STX17: variants seen among roughly 807,000 people sequenced by gnomAD.
STX17 encodes the protein syntaxin-17.
Under a neutral mutation model 35.9 loss-of-function variants are expected in STX17, and 29 were observed. That is an observed-to-expected ratio of 0.81 (90% CI 0.60 to 1.10). The LOEUF (loss-of-function observed/expected upper bound fraction) is 1.10, where lower values mean the gene tolerates loss of function less well. Ranked by LOEUF, STX17 falls within the 50% of genes least tolerant of loss-of-function variation. The pLI is 0.00. For missense variants in STX17, 312 were observed against 352.3 expected, an observed-to-expected ratio of 0.89 and a Z score of 0.92; for synonymous variants, 92 against 118.3, an observed-to-expected ratio of 0.78 and a Z score of 1.44.
chr9:99,915,279 G>T lies in STX17; in HGVS notation c.40G>T (p.Glu14Ter). ...DEEKVKLRRL[E>*]PAIQKFIKIV... is the part of the protein sequence containing the mutation. ...AGAAAAAGTGAAATTACGCCGTCTT[G>T]AACCAGCTATCCAGAAATTCATTAA... is the stretch of plus-strand genomic sequence containing the variant. Residue 14 changes from glutamate to a stop codon, truncating the protein, a stop_gained, in exon 2 of 8, where the codon GAA (glutamate) becomes TAA (stop). Coordinates refer to ENST00000259400, the MANE Select transcript of STX17 (RefSeq NM_017919.3). LOFTEE classifies it high-confidence loss of function. 6.2e-7 allele frequency: 1 copy of T among 1,612,882 alleles called. No homozygotes were observed. The highest frequency in any genetic ancestry group is 8.5e-7 in the Non-Finnish European group (1 of 1,179,472).
intron 4 of STX17, among the ~76,000 whole-genome samples, chr9:99,954,358 A>G (rs1413064761): frequency 6.6e-6 from 1 of 152,032 alleles, no homozygotes; most frequent in Non-Finnish European, 1.5e-5. Flanking sequence ...TAAAGCAATT[A>G]AAAAACTACT....
Position 99,971,288 on chromosome 9 carries a change from CT to C in STX17, c.*2630del, listed in dbSNP as rs5899399. ...TGGATAAAGGCAGCAATCCTAAGGACTTTTTTTTTTTTTTTAACATAATCTG... is the reference window on the plus strand; with the variant it reads ...TGGATAAAGGCAGCAATCCTAAGGACTTTTTTTTTTTTTTAACATAATCTG... On this transcript the variant is annotated 3_prime_UTR_variant, in exon 8 of 8. Transcript: ENST00000259400. 0.28 allele frequency among the ~76,000 whole-genome samples: 41,404 copies of C among 147,040 alleles called. 6,383 individuals carry two copies. Among genetic ancestry groups the C allele is most frequent in the Non-Finnish European group, 0.37 (24,639 of 66,642 alleles).
chr9:99,972,920 C>T lies in STX17; in HGVS notation c.*4247C>T, dbSNP rs1830042877. 6.6e-6 allele frequency among the ~76,000 whole-genome samples: 1 copy of T among 152,096 alleles called. No individual in the cohort carries two copies. Among genetic ancestry groups the T allele is most frequent in the Non-Finnish European group, 1.5e-5 (1 of 67,998 alleles). ...GTGGCTGTGGTTCACAGGTACTTAA[C>T]GAATGTTAGATGATGTTCTTAAGTA... On this transcript the variant is annotated 3_prime_UTR_variant, in exon 8 of 8. Coordinates refer to ENST00000259400, the MANE Select transcript of STX17 (RefSeq NM_017919.3).
Position 99,951,206 on chromosome 9 carries a change from T to A in STX17, c.336T>A (p.Ser112=), listed in dbSNP as rs747165322. Residue 112 remains serine, a synonymous_variant, in exon 4 of 8, where the codon TCT becomes TCA. Coordinates refer to ENST00000259400, the MANE Select transcript of STX17 (RefSeq NM_017919.3). ...AATTTCTCCAACTCCATTTGGAATCTGTAGAAGAACTTAAGAAGCAATTTA... is the reference window on the plus strand; with the variant it reads ...AATTTCTCCAACTCCATTTGGAATCAGTAGAAGAACTTAAGAAGCAATTTA... ...TAEFLQLHLE[S]VEELKKQFND... 4 of 1,613,042 alleles carry A rather than the reference T, an allele frequency of 2.5e-6. No homozygotes were observed. Among genetic ancestry groups the A allele is most frequent in the Non-Finnish European group, 3.4e-6 (4 of 1,179,282 alleles).
chr9:99,956,207 T>C (rs1829707879), intron 4 of STX17, among the ~76,000 whole-genome samples: 1 of 152,154 alleles, frequency 6.6e-6, no homozygotes, highest in African/African-American at 2.4e-5. Flanking sequence ...ACTTAAACAT[T>C]TTTATTCTTT....
intron 4 of STX17, among the ~76,000 whole-genome samples, chr9:99,953,264 A>G (rs1829641126): frequency 6.6e-6 from 1 of 152,066 alleles, no homozygotes; most frequent in African/African-American, 2.4e-5. Context: ...CTTTTGTTGT[A>G]GCCTTAGTAC....
At chr9:99,936,939 AACATTT>A (rs1267580414) in intron 3 of STX17, among the ~76,000 whole-genome samples, 1 of 152,126 alleles carries the variant, frequency 6.6e-6, no homozygotes, top group Non-Finnish European at 1.5e-5. Flanking sequence ...GATTTCCTTT[AACATTT>A]CTGGGAGTGT....
intron 4 of STX17, among the ~76,000 whole-genome samples, chr9:99,952,676 T>C (rs1007517497): frequency 1.6e-4 from 25 of 152,142 alleles, no homozygotes; most frequent in Non-Finnish European, 5.9e-5. Flanking sequence ...GTGGCACATA[T>C]ACACCATGGA....
chr9:99,930,368 C>T (rs557887065), intron 3 of STX17, among the ~76,000 whole-genome samples: 20 of 149,398 alleles, frequency 1.3e-4, no homozygotes, highest in Non-Finnish European at 2.2e-4. Flanking sequence ...CCTGGGTTCA[C>T]GCCATTCTCC....
intron 3 of STX17, among the ~76,000 whole-genome samples, chr9:99,939,330 A>T (rs1415517745): frequency 2.0e-5 from 3 of 152,220 alleles, no homozygotes; most frequent in African/African-American, 4.8e-5. Flanking sequence ...ATTGTGAGTT[A>T]AATTTTGCCT....
At chr9:99,913,408 C>G (rs1288822029) in intron 1 of STX17, among the ~76,000 whole-genome samples, 1 of 151,878 alleles carries the variant, frequency 6.6e-6, no homozygotes, top group Non-Finnish European at 1.5e-5. Context: ...TTCTTCCAAT[C>G]AATAATTGTT....
At chr9:99,931,559 C>G (rs1295651380) in intron 3 of STX17, among the ~76,000 whole-genome samples, 1 of 151,242 alleles carries the variant, frequency 6.6e-6, no homozygotes, top group Non-Finnish European at 1.5e-5. Flanking sequence ...TGGCCTCTGT[C>G]TATCCCATTT....
chr9:99,960,280 T>A, intron 6 of STX17, 125 bp downstream of exon 6: 1 of 965,900 alleles, frequency 1.0e-6, no homozygotes, highest in Non-Finnish European at 1.5e-6. Context: ...TATTAAGCCA[T>A]AGATAGAAGT....
At chr9:99,951,578 G>A (rs1222149651) in intron 4 of STX17, among the ~76,000 whole-genome samples, 1 of 151,990 alleles carries the variant, frequency 6.6e-6, no homozygotes, top group Non-Finnish European at 1.5e-5. Context: ...ATTCTTGTCT[G>A]CAAAGTACTC....
At chr9:99,912,707 T>C (rs780675008) in intron 1 of STX17, among the ~76,000 whole-genome samples, 2 of 152,212 alleles carry the variant, frequency 1.3e-5, no homozygotes, top group Non-Finnish European at 2.9e-5. Context: ...ATTTGTAAAA[T>C]TGTGAAGCAT....
intron 4 of STX17, among the ~76,000 whole-genome samples, chr9:99,955,031 A>T (rs1829680475): frequency 6.6e-6 from 1 of 151,992 alleles, no homozygotes; most frequent in Non-Finnish European, 1.5e-5. Flanking sequence ...CATTTTTAGC[A>T]TATTGCTTTC....
intron 1 of STX17, among the ~76,000 whole-genome samples, chr9:99,909,576 C>T (rs957986695): frequency 3.9e-5 from 6 of 152,032 alleles, no homozygotes; most frequent in African/African-American, 1.5e-4. Flanking sequence ...CATGTAATAG[C>T]CTTTTATGAG....
chr9:99,945,715 C>A, intron 3 of STX17: 2 of 380,434 alleles, frequency 5.3e-6, no homozygotes, highest in Non-Finnish European at 1.0e-5. Context: ...TTTTTCCTTT[C>A]TAGTTTAGGA....
At chr9:99,933,583 G>A (rs1389264478) in intron 3 of STX17, among the ~76,000 whole-genome samples, 2 of 151,878 alleles carry the variant, frequency 1.3e-5, no homozygotes, top group African/African-American at 4.8e-5. Flanking sequence ...TAATATTTGG[G>A]GATCTTTATA....
Sources: allele counts gnomAD v4.1 joint callset (sites outside exome capture counted in the v4.1 genomes callset), GRCh38; gene constraint gnomAD v4.1.1; transcripts MANE v1.5; gene names NCBI Gene and HGNC (gene_info 2026-07-23, HGNC 2026-07-21).